Variants in MXI1 observed in about 807,000 individuals in gnomAD.
MXI1 encodes the protein MAX interactor 1, dimerization protein.
Under a neutral mutation model 36.9 loss-of-function variants are expected in MXI1, and 18 were observed. That is an observed-to-expected ratio of 0.49 (90% CI 0.34 to 0.72). The LOEUF (loss-of-function observed/expected upper bound fraction) is 0.72, where lower values mean the gene tolerates loss of function less well. MXI1 is among the 30% of genes least tolerant of loss of function. MXI1 has a pLI of 0.01. For synonymous variants in MXI1, 160 were observed against 146.7 expected (o/e 1.09, Z -0.65); for missense variants, 304 against 379.1 (o/e 0.80, Z 1.64).
chr10:110,213,165 A>C (rs1854550365), intron 1 of MXI1, among the ~76,000 whole-genome samples: 1 of 152,192 alleles, frequency 6.6e-6, no homozygotes, highest in Non-Finnish European at 1.5e-5. Flanking sequence ...GATAGTTCAG[A>C]CCTGAAGAGC....
chr10:110,228,316 C>T lies in MXI1; in HGVS notation c.402C>T (p.Ala134=). ...GCGGGAGCAGCAACACCAGCACTGC[C>T]AACAGGTAGCAAGCTGGGAACGCTT... The part of the protein sequence containing the change: ...HSSGSSNTST[A]NRSTHNELEK... Residue 134 remains alanine, a synonymous_variant, in exon 2 of 6, where the codon GCC becomes GCT. Coordinates refer to ENST00000332674, the MANE Select transcript of MXI1 (RefSeq NM_130439.3). 1 of 1,614,146 alleles carries T rather than the reference C, an allele frequency of 6.2e-7. No homozygotes were observed.
At chr10:110,235,698 T>TA (rs888367602) in intron 2 of MXI1, among the ~76,000 whole-genome samples, 8 of 145,846 alleles carry the variant, frequency 5.5e-5, no homozygotes, top group Non-Finnish European at 1.2e-4. Flanking sequence ...AAAAAATAAA[T>TA]AAATAAATAA....
At chr10:110,243,078 C>T (rs1482706836) in intron 2 of MXI1, among the ~76,000 whole-genome samples, 1 of 151,434 alleles carries the variant, frequency 6.6e-6, no homozygotes, top group Non-Finnish European at 1.5e-5. Context: ...AGGCCTTTTC[C>T]CTCTTCTAAC....
At chr10:110,273,908 A>G (rs1856943166) in intron 3 of MXI1, among the ~76,000 whole-genome samples, 1 of 152,208 alleles carries the variant, frequency 6.6e-6, no homozygotes, top group Non-Finnish European at 1.5e-5. Context: ...ATTGTTGGAC[A>G]GGGGTATTAG....
At chr10:110,273,561 G>A (rs1461795942) in intron 3 of MXI1, among the ~76,000 whole-genome samples, 1 of 151,896 alleles carries the variant, frequency 6.6e-6, no homozygotes, top group African/African-American at 2.4e-5. Context: ...AAGTTTTAGA[G>A]ACACTTTGGT....
At chr10:110,274,872 A>ATTTTTT (rs66570053) in intron 3 of MXI1, among the ~76,000 whole-genome samples, 24 of 109,956 alleles carry the variant, frequency 2.2e-4, no homozygotes, top group Middle Eastern at 5.0e-3. Context: ...GTGAATAAGG[A>ATTTTTT]TTTTTTTTTT....
rs1421297852 is a variant in MXI1 at position 110,231,791 on chromosome 10, T to A, written c.407+3470T>A. 2.6e-5 allele frequency among the ~76,000 whole-genome samples: 4 copies of A among 152,168 alleles called. No individual in the cohort carries two copies. The East Asian group carries it at 7.7e-4, about 29-fold the overall frequency. ...GTACCACAGGTGAAAAATCTCAAGGTCTGTCATCCTTAAAACTCTACTAAA... is the reference window on the plus strand; with the variant it reads ...GTACCACAGGTGAAAAATCTCAAGGACTGTCATCCTTAAAACTCTACTAAA... On this transcript the variant is annotated intron_variant, in intron 2 of 5. Coordinates refer to ENST00000332674, the MANE Select transcript of MXI1 (RefSeq NM_130439.3).
rs151159238 is a variant in MXI1 at position 110,274,047 on chromosome 10, A to C, written c.438-5133A>C. Among the ~76,000 whole-genome samples, 93 of 152,356 alleles carry C rather than the reference A, an allele frequency of 6.1e-4. 1 individual carries two copies. Among genetic ancestry groups the C allele is most frequent in the African/African-American group, 2.2e-3 (90 of 41,586 alleles). Reference sequence around the variant, plus strand: ...TATAGTTGATATACCTGTGCTTTAAAATAGCACAGCTACTAGTAGAGGCCA... The same window carrying C: ...TATAGTTGATATACCTGTGCTTTAACATAGCACAGCTACTAGTAGAGGCCA... On this transcript the variant is annotated intron_variant, in intron 3 of 5. Transcript: ENST00000332674.
At chr10:110,267,142 T>C (rs1856699476) in intron 3 of MXI1, among the ~76,000 whole-genome samples, 3 of 152,142 alleles carry the variant, frequency 2.0e-5, no homozygotes, top group Non-Finnish European at 4.4e-5. Flanking sequence ...ATGACTAAAA[T>C]GAGGGTGTCT....
At chr10:110,210,976 A>C (rs548461093) in intron 1 of MXI1, among the ~76,000 whole-genome samples, 1 of 151,634 alleles carries the variant, frequency 6.6e-6, no homozygotes, top group African/African-American at 2.4e-5. Context: ...ATAGGATTCC[A>C]GCATCTACCG....
At chr10:110,241,156 G>T (rs965359495) in intron 2 of MXI1, among the ~76,000 whole-genome samples, 1 of 151,944 alleles carries the variant, frequency 6.6e-6, no homozygotes, top group Non-Finnish European at 1.5e-5. Context: ...AATACATTAG[G>T]ATGCCTCTCT....
At chr10:110,227,579 T>TGGG in intron 1 of MXI1, 1 of 610,260 alleles carries the variant, frequency 1.6e-6, no homozygotes. Flanking sequence ...ACACGGATGC[T>TGGG]GGGGGGGGTC....
intron 1 of MXI1, among the ~76,000 whole-genome samples, chr10:110,215,735 T>C (rs1792195016): frequency 6.6e-6 from 1 of 152,146 alleles, no homozygotes; most frequent in Non-Finnish European, 1.5e-5. Context: ...CTTTTACATT[T>C]GGGGGCTGGG....
chr10:110,260,010 A>G (rs1164722394), intron 3 of MXI1, among the ~76,000 whole-genome samples: 3 of 152,026 alleles, frequency 2.0e-5, no homozygotes, highest in Admixed American at 6.6e-5. Context: ...TAAGTAAATG[A>G]CTTCCTTGTT....
At chr10:110,242,433 T>C (rs1855702887) in intron 2 of MXI1, among the ~76,000 whole-genome samples, 1 of 152,006 alleles carries the variant, frequency 6.6e-6, no homozygotes, top group Non-Finnish European at 1.5e-5. Context: ...GAGTAAACAC[T>C]ATTGATGCTT....
chr10:110,258,929 T>C (rs1856409648), intron 3 of MXI1, among the ~76,000 whole-genome samples: 1 of 151,892 alleles, frequency 6.6e-6, no homozygotes, highest in Non-Finnish European at 1.5e-5. Flanking sequence ...AGACAAAGAC[T>C]GAATTGTAGG....
At position 110,209,013 on chromosome 10, in the gene MXI1, G is replaced by T. The variant is rs1398020101; in HGVS notation, c.274+931G>T. On this transcript the variant is annotated intron_variant, in intron 1 of 5. Transcript: ENST00000332674. ...TACTCCCCCCACCCGCCCACCCCCA[G>T]ATTCACGTGGATAGTAGTGCGTGGG... Among the ~76,000 whole-genome samples, 15 of 38,324 alleles carry T rather than the reference G, an allele frequency of 3.9e-4. No individual in the cohort carries two copies. The Admixed American group carries it at 3.9e-3, about 10-fold the overall frequency. The allele number at this position is 38,324 out of a possible 152,430, so 25.1% of individuals were successfully genotyped here.
At chr10:110,271,048 C>T (rs1339524062) in intron 3 of MXI1, among the ~76,000 whole-genome samples, 2 of 151,344 alleles carry the variant, frequency 1.3e-5, no homozygotes, top group African/African-American at 4.9e-5. Context: ...GCCGAGATCG[C>T]GCCACTGCAC....
At chr10:110,229,295 A>C (rs1293297433) in intron 2 of MXI1, among the ~76,000 whole-genome samples, 4 of 152,206 alleles carry the variant, frequency 2.6e-5, no homozygotes, top group Non-Finnish European at 5.9e-5. Context: ...CTTTGTCTAG[A>C]GAATATAATA....
Sources: allele counts gnomAD v4.1 joint callset (sites outside exome capture counted in the v4.1 genomes callset), GRCh38; gene constraint gnomAD v4.1.1; transcripts MANE v1.5; gene names NCBI Gene and HGNC (gene_info 2026-07-23, HGNC 2026-07-21).